The following SCP2 variants were observed in gnomAD, a reference collection of about 807,000 sequenced individuals.
SCP2 encodes sterol carrier protein 2.
Under a neutral mutation model 71.4 loss-of-function variants are expected in SCP2, and 48 were observed. That is an observed-to-expected ratio of 0.67 (90% confidence interval 0.53 to 0.86). SCP2 has a LOEUF of 0.86. SCP2 is among the 40% of genes least tolerant of loss of function. The pLI is 0.00. For synonymous variants in SCP2, 220 were observed against 218.1 expected (o/e 1.01, Z -0.08); for missense variants, 560 against 655.6 (o/e 0.85, Z 1.59).
Position 53,051,524 on chromosome 1 carries a change from GTTAT to G in SCP2, c.*823_*826del, listed in dbSNP as rs1664194336. On this transcript the variant is annotated 3_prime_UTR_variant, in exon 16 of 16. Coordinates refer to ENST00000371514, the MANE Select transcript of SCP2 (RefSeq NM_002979.5). ...TTTTCCTAGTTTTTCTAATACTAATGTTATTTCTTAAAATTCAGTGAGATATAGG... is the reference window on the plus strand; with the variant it reads ...TTTTCCTAGTTTTTCTAATACTAATGTTCTTAAAATTCAGTGAGATATAGG... The G allele has an allele frequency of 6.6e-6, 1 of 151,926 alleles. No individual in the cohort carries two copies. The highest frequency in any genetic ancestry group is 2.4e-5 in the African/African-American group (1 of 41,344). The allele number at this position is 151,926 out of a possible 1,614,324, so 9.4% of individuals were successfully genotyped here.
intron 14 of SCP2, among the ~76,000 whole-genome samples, chr1:53,043,807 C>T (rs964128755): frequency 6.6e-6 from 1 of 152,112 alleles, no homozygotes; most frequent in Non-Finnish European, 1.5e-5. Flanking sequence ...TTTTTTACCT[C>T]GTGCTCTTTG....
Position 52,961,529 on chromosome 1 carries a change from T to C in SCP2, c.423T>C (p.Asp141=), listed in dbSNP as rs755756597. ...IKFSDRTIPT[D]KHVDLLINKY... ...TTTCAGATAGAACCATTCCCACTGA[T>C]AAGCATGTTGACCTCCTGATCAATA... The change falls in exon 6 of 16, where the codon GAT becomes GAC. Residue 141 remains aspartate, a synonymous_variant. Coordinates refer to ENST00000371514, the MANE Select transcript of SCP2 (RefSeq NM_002979.5). 6.2e-7 allele frequency: 1 copy of C among 1,613,982 alleles called. No individual in the cohort carries two copies. The highest frequency in any genetic ancestry group is 8.5e-7 in the Non-Finnish European group (1 of 1,179,898).
chr1:52,984,364 T>C (rs1463731730), intron 10 of SCP2, among the ~76,000 whole-genome samples: 1 of 152,278 alleles, frequency 6.6e-6, no homozygotes, highest in South Asian at 2.1e-4. Context: ...CCCCTGCTTT[T>C]ATTTACTTTT....
rs184357686 is a variant in SCP2, at chr1:52,944,804, C to T, written c.127+2951C>T. ...TGAGAGGCCGAGGTGGGCGGAGCAC[C>T]TGAAGCTAACTTTTGTATTTTTAGT... is the stretch of plus-strand genomic sequence containing the variant. On this transcript the variant is annotated intron_variant, in intron 2 of 15. Transcript: ENST00000371514. Among the ~76,000 whole-genome samples the T allele has an allele frequency of 3.0e-3, 449 of 151,962 alleles. 2 individuals are homozygous for T. Among genetic ancestry groups the T allele is most frequent in the Non-Finnish European group, 4.5e-3 (309 of 67,934 alleles).
intron 12 of SCP2, among the ~76,000 whole-genome samples, chr1:53,026,802 G>A (rs1662162161): frequency 6.6e-6 from 1 of 151,978 alleles, no homozygotes; most frequent in African/African-American, 2.4e-5. Flanking sequence ...AGTCCCTGTG[G>A]GAAAGAGAGA....
At chr1:52,997,153 G>A (rs1175728782) in intron 11 of SCP2, among the ~76,000 whole-genome samples, 5 of 152,154 alleles carry the variant, frequency 3.3e-5, no homozygotes, top group Non-Finnish European at 7.4e-5. Flanking sequence ...TGAGCAAAAT[G>A]TGGTATATTT....
chr1:52,964,805 G>C (rs574230765), intron 6 of SCP2, among the ~76,000 whole-genome samples: 3 of 152,150 alleles, frequency 2.0e-5, no homozygotes, highest in Non-Finnish European at 2.9e-5. Flanking sequence ...CTGAGGTCAG[G>C]AGTTCAAGAC....
chr1:52,927,562 G>A, intron 1 of SCP2, 97 bp downstream of exon 1: 1 of 906,866 alleles, frequency 1.1e-6, no homozygotes. Flanking sequence ...CGACTGCTCC[G>A]CGCGTGGGTC....
chr1:53,018,852 A>C (rs1428483657), intron 12 of SCP2, among the ~76,000 whole-genome samples: 1 of 152,188 alleles, frequency 6.6e-6, no homozygotes, highest in Non-Finnish European at 1.5e-5. Context: ...AATATACTCT[A>C]AACTTTATTT....
chr1:53,013,446 A>AAAT (rs1254410578), intron 11 of SCP2, among the ~76,000 whole-genome samples: 1,330 of 109,832 alleles, frequency 0.012, 44 homozygotes, highest in African/African-American at 0.049. Flanking sequence ...AAAAAAAAAA[A>AAAT]TAGCTGGGAG....
chr1:52,947,897 G>T, intron 2 of SCP2, 112 bp from the exon 3 acceptor site: 2 of 748,886 alleles, frequency 2.7e-6, no homozygotes, highest in South Asian at 1.4e-5. Context: ...CATTTGAATT[G>T]AGCATAGACT....
chr1:52,932,482 T>C (rs1244583899), intron 1 of SCP2, among the ~76,000 whole-genome samples: 1 of 152,194 alleles, frequency 6.6e-6, no homozygotes, highest in Non-Finnish European at 1.5e-5. Context: ...AGAATGAATG[T>C]GTCCACCAAA....
chr1:52,954,745 G>A lies in SCP2; in HGVS notation c.337G>A (p.Ala113Thr), dbSNP rs754455235. Residue 113 changes from alanine to threonine, a missense_variant, in exon 5 of 16, where the codon GCA (alanine) becomes ACA (threonine). Transcript: ENST00000371514. ...TAATTACGTTTTCCTTTAAGGTGTG[G>A]CAGAATGTGTCTTGGCTCTTGGGTT... ...MARQLIQGGV[A>T]ECVLALGFEK... The A allele has an allele frequency of 2.5e-6, 4 of 1,613,074 alleles. No homozygotes were observed. The African/African-American group carries it at 4.0e-5, about 16-fold the overall frequency.
rs10437065 is a variant in SCP2 at position 53,027,724 on chromosome 1, C to T, written c.1236-245C>T. Among the ~76,000 whole-genome samples the T allele has an allele frequency of 0.05, 7,639 of 152,168 alleles. 610 individuals are homozygous for T. Among genetic ancestry groups the T allele is most frequent in the African/African-American group, 0.17 (7,195 of 41,486 alleles). Reference sequence around the variant, plus strand: ...TTCTCCATGGTGGCCAGGCTGGTCTCGAACTCCCGACTACAGGTGATCCAC... The same window carrying T: ...TTCTCCATGGTGGCCAGGCTGGTCTTGAACTCCCGACTACAGGTGATCCAC... On this transcript the variant is annotated intron_variant, in intron 12 of 15. Coordinates refer to ENST00000371514, the MANE Select transcript of SCP2 (RefSeq NM_002979.5).
chr1:53,047,095 C>A (rs1043498811), intron 14 of SCP2, among the ~76,000 whole-genome samples: 3 of 152,188 alleles, frequency 2.0e-5, no homozygotes, highest in African/African-American at 7.2e-5. Flanking sequence ...AATTCATTTC[C>A]CTGTGGCCTT....
chr1:53,026,191 T>G (rs2150243504), intron 12 of SCP2, among the ~76,000 whole-genome samples: 1 of 152,350 alleles, frequency 6.6e-6, no homozygotes. Context: ...TCATGTAATT[T>G]GTGAAAATCA....
At chr1:52,958,589 CT>C (rs1206726099) in intron 5 of SCP2, among the ~76,000 whole-genome samples, 1 of 134,540 alleles carries the variant, frequency 7.4e-6, no homozygotes, top group Non-Finnish European at 1.8e-5. Context: ...GTTTGTTATT[CT>C]TTTTTAGTTT....
chr1:52,974,824 TAA>T lies in SCP2; in HGVS notation c.580_581del (p.Asn194Ter). On this transcript the variant is annotated frameshift_variant, in exon 7 of 16. Coordinates refer to ENST00000371514, the MANE Select transcript of SCP2 (RefSeq NM_002979.5). LOFTEE classifies it high-confidence loss of function. ...IGWKNHKHSVNNPYSQFQDEY... is the reference protein window; with the variant it reads ...IGWKNHKHSVXNPYSQFQDEY... ...GATGGAAAAATCATAAACATTCAGT[TAA>T]TAACCCGTAAGTATTTCAGAGACAT... The T allele has an allele frequency of 6.9e-7, 1 of 1,446,706 alleles. No individual in the cohort carries two copies. The highest frequency in any genetic ancestry group is 1.1e-5 in the South Asian group (1 of 87,578). The allele number at this position is 1,446,706 out of a possible 1,614,324, so 89.6% of individuals were successfully genotyped here. A position where few individuals can be genotyped will look rare whatever the true frequency, so the allele number is the denominator to read the frequency against.
At chr1:53,025,534 C>T (rs975976441) in intron 12 of SCP2, among the ~76,000 whole-genome samples, 3 of 152,176 alleles carry the variant, frequency 2.0e-5, no homozygotes, top group Admixed American at 6.5e-5. Context: ...TCCTTGTCCT[C>T]GTAATGGCCT....
Sources: gnomAD v4.1 joint callset for allele counts (sites outside exome capture counted in the v4.1 genomes callset) on GRCh38, gnomAD v4.1.1 for gene constraint, MANE v1.5 for transcripts, NCBI Gene and HGNC (gene_info 2026-07-23, HGNC 2026-07-21) for gene names.